FBLN2: variants seen among roughly 807,000 people sequenced by gnomAD.
The protein encoded by FBLN2 is fibulin 2.
In FBLN2, 81 loss-of-function variants were observed where a neutral mutation model predicts 123.7. That is an observed-to-expected ratio of 0.65 (90% CI 0.55 to 0.79). The LOEUF (loss-of-function observed/expected upper bound fraction) is 0.79, where lower values mean the gene tolerates loss of function less well. Ranked by LOEUF, FBLN2 falls within the 30% of genes least tolerant of loss-of-function variation. The pLI is 0.00. For synonymous variants in FBLN2, 699 were observed against 701.4 expected (o/e 1.00, Z 0.05); for missense variants, 1,603 against 1,681.3 (o/e 0.95, Z 0.81).
chr3:13,605,707 C>A (rs945167866), intron 2 of FBLN2, among the ~76,000 whole-genome samples: 3 of 152,188 alleles, frequency 2.0e-5, no homozygotes, highest in Non-Finnish European at 4.4e-5. Context: ...ACTTCCCTGG[C>A]ACAGACACCA....
intron 2 of FBLN2, among the ~76,000 whole-genome samples, chr3:13,595,493 C>T (rs936636259): frequency 6.6e-6 from 1 of 152,166 alleles, no homozygotes; most frequent in Non-Finnish European, 1.5e-5. Flanking sequence ...AAACTCAAGG[C>T]GCCTCCACAG....
At chr3:13,589,696 A>G (rs888983416) in intron 2 of FBLN2, among the ~76,000 whole-genome samples, 9 of 152,180 alleles carry the variant, frequency 5.9e-5, no homozygotes, top group African/African-American at 1.7e-4. Flanking sequence ...CCATGACCCT[A>G]TACTTCACAC....
intron 5 of FBLN2, among the ~76,000 whole-genome samples, chr3:13,614,576 G>GTCCATCCATCCATCCA (rs747826390): frequency 0.013 from 1,863 of 142,880 alleles, 34 homozygotes; most frequent in African/African-American, 0.042. Context: ...CCCATCATCT[G>GTCCATCCATCCATCCA]TCCATCCATC....
chr3:13,581,475 G>A (rs1471575307), intron 2 of FBLN2, among the ~76,000 whole-genome samples: 3 of 152,192 alleles, frequency 2.0e-5, no homozygotes, highest in Non-Finnish European at 4.4e-5. Flanking sequence ...TAAGTTAGGT[G>A]GCCAATCAGA....
intron 5 of FBLN2, among the ~76,000 whole-genome samples, chr3:13,617,549 C>T (rs1237524446): frequency 6.7e-6 from 1 of 148,520 alleles, no homozygotes; most frequent in African/African-American, 2.5e-5. Flanking sequence ...CTCCTTCATT[C>T]ATCCACCCAT....
intron 11 of FBLN2, among the ~76,000 whole-genome samples, chr3:13,628,444 C>G (rs1304744425): frequency 6.6e-6 from 1 of 152,098 alleles, no homozygotes; most frequent in Non-Finnish European, 1.5e-5. Context: ...ATGCCGTACT[C>G]GAGGGTTGAG....
chr3:13,560,014 C>A (rs1703563994), intron 1 of FBLN2, among the ~76,000 whole-genome samples: 2 of 152,184 alleles, frequency 1.3e-5, no homozygotes, highest in Non-Finnish European at 2.9e-5. Flanking sequence ...CGCTCCCACC[C>A]TGGGAGTGTT....
intron 2 of FBLN2, among the ~76,000 whole-genome samples, chr3:13,576,299 C>A (rs1704144011): frequency 6.6e-6 from 1 of 152,208 alleles, no homozygotes. Context: ...CCCCCTCCTT[C>A]AGGAAGCCTT....
At chr3:13,633,700 C>T (rs909745503) in intron 16 of FBLN2, among the ~76,000 whole-genome samples, 31 of 152,186 alleles carry the variant, frequency 2.0e-4, no homozygotes, top group Non-Finnish European at 1.0e-4. Context: ...TAGCCTTTAG[C>T]CTCTCTCCAA....
intron 2 of FBLN2, among the ~76,000 whole-genome samples, chr3:13,572,833 A>G (rs1253764490): frequency 6.6e-6 from 1 of 152,162 alleles, no homozygotes; most frequent in Non-Finnish European, 1.5e-5. Flanking sequence ...TTACTTTAGG[A>G]GCCTTGAACT....
Position 13,636,550 on chromosome 3 carries a change from A to G in FBLN2, c.3320A>G (p.Tyr1107Cys). ...CTGCGCTTCGAGTGTCCTCCCAACT[A>G]TGTCCAAGTCTCCAAAACGTGAGTG... ...RCLRFECPPN[Y>C]VQVSKTKCER... Residue 1107 changes from tyrosine (Y) to cysteine (C), a missense_variant, in exon 17 of 18, where the codon TAT (tyrosine) becomes TGT (cysteine). Coordinates refer to ENST00000404922, the MANE Select transcript of FBLN2 (RefSeq NM_001004019.2). The G allele has an allele frequency of 6.2e-7, 1 of 1,613,476 alleles. No individual in the cohort carries two copies. Among genetic ancestry groups the G allele is most frequent in the Admixed American group, 1.7e-5 (1 of 59,976 alleles).
intron 2 of FBLN2, among the ~76,000 whole-genome samples, chr3:13,600,534 C>T (rs1286133570): frequency 6.6e-6 from 1 of 151,868 alleles, no homozygotes; most frequent in Non-Finnish European, 1.5e-5. Context: ...ACCTGTGCAA[C>T]AGACATGGGG....
intron 2 of FBLN2, among the ~76,000 whole-genome samples, chr3:13,581,919 C>T (rs1704344970): frequency 6.6e-6 from 1 of 152,128 alleles, no homozygotes; most frequent in Non-Finnish European, 1.5e-5. Flanking sequence ...TCTGTGTTTT[C>T]TGCTTGGGTC....
intron 2 of FBLN2, among the ~76,000 whole-genome samples, chr3:13,583,255 T>G (rs1559407955): frequency 2.0e-5 from 3 of 152,258 alleles, no homozygotes; most frequent in African/African-American, 7.2e-5. Flanking sequence ...CCAGGCACTG[T>G]GTTAATCACT....
rs375186625 is a variant in FBLN2 at position 13,614,159 on chromosome 3, G to A, written c.1724G>A (p.Arg575Gln). Residue 575 changes from arginine to glutamine, a missense_variant, in exon 5 of 18, where the codon CGG becomes CAG. Arg to Gln is a conservative substitution (Grantham distance 43). Transcript: ENST00000404922. Reference protein sequence around the residue: ...RRPPEPAAAPRRVSEAEMAGR... With the variant: ...RRPPEPAAAPQRVSEAEMAGR... ...CCTCCAGAGCCCGCAGCTGCACCAC[G>A]GAGAGGTGAGTGCTGCTCTTCCCTG... 14 of 1,610,864 alleles carry A rather than the reference G, an allele frequency of 8.7e-6. No homozygotes were observed. Among genetic ancestry groups the A allele is most frequent in the South Asian group, 5.5e-5 (5 of 91,058 alleles).
At chr3:13,609,302 C>T (rs555046178) in intron 3 of FBLN2, among the ~76,000 whole-genome samples, 33 of 152,320 alleles carry the variant, frequency 2.2e-4, no homozygotes, top group African/African-American at 7.5e-4. Flanking sequence ...CACACATCTC[C>T]GAGTCTAGTG....
In FBLN2 at chr3:13,614,634, T is replaced by TCA. The variant is rs1286739675; in HGVS notation, c.1729+470_1729+471insCA. ...CCCATCCACCCACCTACCCACCCAA[T>TCA]TATCCATCCATCCATCCATCCATCC... On this transcript the variant is annotated intron_variant, in intron 5 of 17. Coordinates refer to ENST00000404922, the MANE Select transcript of FBLN2 (RefSeq NM_001004019.2). Among the ~76,000 whole-genome samples, 10 of 40,302 alleles carry TCA rather than the reference T, an allele frequency of 2.5e-4. No individual in the cohort carries two copies. The East Asian group carries it at 6.4e-3, about 26-fold the overall frequency. The allele number at this position is 40,302 out of a possible 152,430, so 26.4% of individuals were successfully genotyped here.
intron 2 of FBLN2, among the ~76,000 whole-genome samples, chr3:13,589,565 C>T (rs980943983): frequency 6.6e-6 from 1 of 152,182 alleles, no homozygotes; most frequent in Non-Finnish European, 1.5e-5. Context: ...AGAAGGGCCT[C>T]AGCCTCATCA....
intron 8 of FBLN2, among the ~76,000 whole-genome samples, 168 bp downstream of exon 8, chr3:13,619,999 T>G (rs1705792267): frequency 6.6e-6 from 1 of 152,138 alleles, no homozygotes; most frequent in East Asian, 1.9e-4. Flanking sequence ...TCACTCCCTC[T>G]CACCGTACGT....
Sources: allele counts gnomAD v4.1 joint callset (sites outside exome capture counted in the v4.1 genomes callset), GRCh38; gene constraint gnomAD v4.1.1; transcripts MANE v1.5; gene names NCBI Gene and HGNC (gene_info 2026-07-23, HGNC 2026-07-21).